KCNS3: variants seen among roughly 807,000 people sequenced by gnomAD.
KCNS3 encodes the protein delayed-rectifier potassium channel regulatory subunit KCNS3.
Under a neutral mutation model 31.0 loss-of-function variants are expected in KCNS3, and 13 were observed. The observed-to-expected ratio is 0.42, with a 90% CI of 0.27 to 0.67. The LOEUF (loss-of-function observed/expected upper bound fraction) is 0.67. KCNS3 is among the 30% of genes least tolerant of loss of function. The pLI, the probability that KCNS3 is intolerant of heterozygous loss-of-function variation, is 0.25. For missense variants in KCNS3, 545 were observed against 622.4 expected, an observed-to-expected ratio of 0.88 and a Z score of 1.32; for synonymous variants, 238 against 241.5, an observed-to-expected ratio of 0.99 and a Z score of 0.13.
intron 2 of KCNS3, among the ~76,000 whole-genome samples, chr2:17,918,288 G>T (rs1662635198): frequency 6.6e-6 from 1 of 152,174 alleles, no homozygotes; most frequent in Non-Finnish European, 1.5e-5. Flanking sequence ...GATGTACCTG[G>T]GCCAGAGGCA....
intron 1 of KCNS3, among the ~76,000 whole-genome samples, chr2:17,879,156 G>A (rs1195192245): frequency 6.6e-6 from 1 of 152,230 alleles, no homozygotes; most frequent in Non-Finnish European, 1.5e-5. Context: ...TGGTCAGGGG[G>A]AGGACCACCT....
At chr2:17,928,581 G>A (rs1162940774) in intron 2 of KCNS3, among the ~76,000 whole-genome samples, 1 of 151,784 alleles carries the variant, frequency 6.6e-6, no homozygotes. Flanking sequence ...CAATTTCGTT[G>A]ATTGTTTTAA....
chr2:17,917,098 A>C (rs527656814), intron 1 of KCNS3, among the ~76,000 whole-genome samples: 1 of 152,282 alleles, frequency 6.6e-6, no homozygotes, highest in Non-Finnish European at 1.5e-5. Flanking sequence ...CCCAACACAC[A>C]CTTCATATAC....
chr2:17,908,413 C>T (rs1210368911), intron 1 of KCNS3, among the ~76,000 whole-genome samples: 1 of 152,220 alleles, frequency 6.6e-6, no homozygotes, highest in Non-Finnish European at 1.5e-5. Context: ...GAACTTCCTC[C>T]TTTAGCTCGG....
chr2:17,932,081 C>A lies in KCNS3; in HGVS notation c.1073C>A (p.Pro358His). ...CACACATCCAGCCTCACCAGCATCC[C>A]CATCTGCTGGTGGTGGGCCACCATC... The part of the protein sequence containing the change: ...DDHTSSLTSI[P>H]ICWWWATISM... Residue 358 changes from proline to histidine, a missense_variant, in exon 3 of 3, where the codon CCC becomes CAC. Coordinates refer to ENST00000304101, the MANE Select transcript of KCNS3 (RefSeq NM_002252.5). The A allele has an allele frequency of 6.2e-7, 1 of 1,614,100 alleles. No individual in the cohort carries two copies. Among genetic ancestry groups the A allele is most frequent in the Non-Finnish European group, 8.5e-7 (1 of 1,180,006 alleles).
intron 1 of KCNS3, among the ~76,000 whole-genome samples, chr2:17,894,257 G>T (rs1661934371): frequency 6.6e-6 from 1 of 152,020 alleles, no homozygotes; most frequent in South Asian, 2.1e-4. Context: ...ACATGGTTTT[G>T]AGTACCAGGA....
At chr2:17,910,036 G>C (rs1160733332) in intron 1 of KCNS3, among the ~76,000 whole-genome samples, 1 of 152,176 alleles carries the variant, frequency 6.6e-6, no homozygotes, top group African/African-American at 2.4e-5. Flanking sequence ...GAAACCCTAT[G>C]GACCCCTTTT....
At chr2:17,929,760 G>T (rs2045719) in intron 2 of KCNS3, among the ~76,000 whole-genome samples, 38,541 of 152,120 alleles carry the variant, frequency 0.25, 5,348 homozygotes, top group East Asian at 0.37. Context: ...GGAAGAAGGT[G>T]GGGGAAGTCT....
chr2:17,884,272 T>A lies in KCNS3; in HGVS notation c.-252+5466T>A, dbSNP rs1289887799. Among the ~76,000 whole-genome samples the A allele has an allele frequency of 1.7e-3, 78 of 46,220 alleles. 1 individual carries two copies. Among genetic ancestry groups the A allele is most frequent in the African/African-American group, 4.4e-3 (62 of 14,094 alleles). 30.3% of individuals were successfully genotyped at this position (46,220 alleles called of 152,430 possible). A position where few individuals can be genotyped will look rare whatever the true frequency, so the allele number is the denominator to read the frequency against. On this transcript the variant is annotated intron_variant, in intron 1 of 2. Transcript: ENST00000304101. Reference sequence around the variant, plus strand: ...AAGTATAATTAAAAAAAAAAAAATATATATATATATATATATATATATATA... The same window carrying A: ...AAGTATAATTAAAAAAAAAAAAATAAATATATATATATATATATATATATA...
chr2:17,890,409 T>G (rs1193047522), intron 1 of KCNS3, among the ~76,000 whole-genome samples: 5 of 151,800 alleles, frequency 3.3e-5, no homozygotes, highest in African/African-American at 7.3e-5. Context: ...ATTTTTTTTT[T>G]TTTGTTTCAA....
At chr2:17,913,361 T>C (rs73918984) in intron 1 of KCNS3, among the ~76,000 whole-genome samples, 304 of 152,362 alleles carry the variant, frequency 2.0e-3, no homozygotes, top group African/African-American at 6.9e-3. Flanking sequence ...GGAGTGGGCG[T>C]ATTCAGCAGG....
intron 1 of KCNS3, among the ~76,000 whole-genome samples, chr2:17,889,897 A>T (rs1482538602): frequency 1.3e-5 from 2 of 151,904 alleles, no homozygotes; most frequent in African/African-American, 4.8e-5. Context: ...TTTTTTGGTT[A>T]TATCCTTTCC....
At chr2:17,909,419 G>C (rs1309403922) in intron 1 of KCNS3, among the ~76,000 whole-genome samples, 1 of 152,180 alleles carries the variant, frequency 6.6e-6, no homozygotes, top group Non-Finnish European at 1.5e-5. Flanking sequence ...GTGAGGCAAT[G>C]CCTTGCCCTG....
chr2:17,905,900 A>C (rs750303673), intron 1 of KCNS3, among the ~76,000 whole-genome samples: 21 of 152,182 alleles, frequency 1.4e-4, no homozygotes, highest in Non-Finnish European at 2.8e-4. Context: ...GATGTTCATC[A>C]AGGATATTGG....
chr2:17,914,697 G>T (rs1363908386), intron 1 of KCNS3, among the ~76,000 whole-genome samples: 1 of 152,186 alleles, frequency 6.6e-6, no homozygotes, highest in African/African-American at 2.4e-5. Flanking sequence ...TTAGGACACT[G>T]TCCCTAACTG....
At chr2:17,905,481 GA>G (rs879687899) in intron 1 of KCNS3, among the ~76,000 whole-genome samples, 4 of 152,148 alleles carry the variant, frequency 2.6e-5, no homozygotes, top group Non-Finnish European at 5.9e-5. Context: ...GCCCTGGCCA[GA>G]ATTTCCAACA....
At chr2:17,909,456 C>G (rs1014473219) in intron 1 of KCNS3, among the ~76,000 whole-genome samples, 6 of 152,102 alleles carry the variant, frequency 3.9e-5, no homozygotes, top group African/African-American at 1.4e-4. Context: ...GTAGGCTGCA[C>G]CCACTGTCCT....
At position 17,902,458 on chromosome 2, in the gene KCNS3, G is replaced by C. The variant is rs577827487; in HGVS notation, c.-251-15222G>C. 3.9e-5 allele frequency among the ~76,000 whole-genome samples: 6 copies of C among 151,976 alleles called. No individual in the cohort carries two copies. In the South Asian group the frequency reaches 1.2e-3, roughly 32 times the overall value. On this transcript the variant is annotated intron_variant, in intron 1 of 2. Transcript: ENST00000304101. ...CTTTATTTGTCCTTGACTTACATTT[G>C]ATAAGAATTACAAAAGGTCTAGTCT... is the stretch of plus-strand genomic sequence containing the variant.
Position 17,922,369 on chromosome 2 carries a change from T to C in KCNS3, c.-60+4498T>C, listed in dbSNP as rs530121418. Among the ~76,000 whole-genome samples the C allele has an allele frequency of 2.6e-5, 4 of 152,262 alleles. No homozygotes were observed. The East Asian group carries it at 7.7e-4, about 29-fold the overall frequency. On this transcript the variant is annotated intron_variant, in intron 2 of 2. Coordinates refer to ENST00000304101, the MANE Select transcript of KCNS3 (RefSeq NM_002252.5). ...TCCCTATTTATTCACTTATTTTTAT[T>C]ATAATTTTAAAAAATGATAAATAGA...
Sources: allele counts gnomAD v4.1 joint callset (sites outside exome capture counted in the v4.1 genomes callset), GRCh38; gene constraint gnomAD v4.1.1; transcripts MANE v1.5; gene names NCBI Gene and HGNC (gene_info 2026-07-23, HGNC 2026-07-21).